OGDHL: variants seen among roughly 807,000 people sequenced by gnomAD.
The protein encoded by OGDHL is 2-oxoglutarate dehydrogenase-like, mitochondrial.
A neutral mutation model predicts 109.6 loss-of-function variants in OGDHL; 79 were observed. That is an observed-to-expected ratio of 0.72 (90% CI 0.60 to 0.87). The LOEUF (loss-of-function observed/expected upper bound fraction) is 0.87. Ranked by LOEUF, OGDHL falls within the 40% of genes least tolerant of loss-of-function variation. The pLI is 0.00. For missense variants in OGDHL, 1,275 were observed against 1,362.2 expected (o/e 0.94, Z 1.01); for synonymous variants, 528 against 537.2 (o/e 0.98, Z 0.24).
chr10:49,759,289 G>A (rs1043634648), intron 1 of OGDHL, among the ~76,000 whole-genome samples: 1 of 151,906 alleles, frequency 6.6e-6, no homozygotes, highest in Non-Finnish European at 1.5e-5. Flanking sequence ...AAGGGCTAAG[G>A]TCTGGAGGGG....
chr10:49,756,969 C>G (rs369707105), intron 2 of OGDHL, 23 bp from the exon 3 acceptor site: 8 of 1,604,422 alleles, frequency 5.0e-6, no homozygotes, highest in African/African-American at 1.3e-5. Context: ...GAAACAAGAA[C>G]GCAGCCAGGT....
In OGDHL at chr10:49,742,845, C is replaced by T. The variant is rs147924096; in HGVS notation, c.1995G>A (p.Val665=). The change falls in exon 15 of 23, where the codon GTG becomes GTA. Residue 665 remains valine (V), a synonymous_variant. Transcript: ENST00000374103. ...GCGCTCACCTGAATGTGCCCCTCTC[C>T]ACATCCTGCCCGCTGAGCCGCACGT... ...GIHVRLSGQD[V]ERGTFSHRHH... 6,927 of 1,613,362 alleles carry T rather than the reference C, an allele frequency of 4.3e-3. 43 individuals are homozygous for T. Among genetic ancestry groups the T allele is most frequent in the Middle Eastern group, 0.014 (83 of 6,030 alleles).
chr10:49,742,737 C>T lies in OGDHL; in HGVS notation c.2012+91G>A. ...GGGGCTAGGGATGCTGTGAAGATCC[C>T]ACCCCAACAAAGGCCCCCTCGGGAT... On this transcript the variant is annotated intron_variant, in intron 15 of 22. Transcript: ENST00000374103. The T allele has an allele frequency of 3.4e-6, 5 of 1,466,944 alleles. No individual in the cohort carries two copies. The South Asian group carries it at 6.7e-5, about 20-fold the overall frequency. 90.9% of individuals were successfully genotyped at this position (1,466,944 alleles called of 1,614,324 possible).
At position 49,746,817 on chromosome 10, in the gene OGDHL, G is replaced by A; in HGVS notation, c.1229C>T (p.Thr410Ile). Residue 410 changes from threonine to isoleucine, a missense_variant, in exon 10 of 23, where the codon ACC becomes ATC. By Grantham distance (89) the Thr-to-Ile change is moderately conservative. Coordinates refer to ENST00000374103, the MANE Select transcript of OGDHL (RefSeq NM_018245.3). Reference sequence around the variant, plus strand: ...GGAGGGCAGGTCGCTCAGGTGGAAGGTCTCATATACCACGCCCTGGCCAGC... The same window carrying A: ...GGAGGGCAGGTCGCTCAGGTGGAAGATCTCATATACCACGCCCTGGCCAGC... ...AFAGQGVVYETFHLSDLPSYT... is the reference protein window; with the variant it reads ...AFAGQGVVYEIFHLSDLPSYT... The A allele has an allele frequency of 6.2e-7, 1 of 1,614,164 alleles. No individual in the cohort carries two copies. Among genetic ancestry groups the A allele is most frequent in the East Asian group, 2.2e-5 (1 of 44,872 alleles).
intron 1 of OGDHL, among the ~76,000 whole-genome samples, chr10:49,761,496 C>T (rs1843275201): frequency 6.6e-6 from 1 of 152,214 alleles, no homozygotes; most frequent in African/African-American, 2.4e-5. Flanking sequence ...CTACTCTGAC[C>T]CCACTTTCTG....
intron 6 of OGDHL, among the ~76,000 whole-genome samples, chr10:49,751,598 G>T (rs1023054949): frequency 2.0e-5 from 3 of 152,182 alleles, no homozygotes. Flanking sequence ...CCGCTCTCTT[G>T]TTCTCCTAGA....
Position 49,735,082 on chromosome 10 carries a change from G to C in OGDHL, c.*146C>G. ...CTGGCATGACACCAAGGCCAGCAGT[G>C]CTGGCTCTTGGCCCTGTCACTGTGT... On this transcript the variant is annotated 3_prime_UTR_variant, in exon 23 of 23. Coordinates refer to ENST00000374103, the MANE Select transcript of OGDHL (RefSeq NM_018245.3). The C allele has an allele frequency of 1.0e-6, 1 of 996,592 alleles. No individual in the cohort carries two copies. Among genetic ancestry groups the C allele is most frequent in the Non-Finnish European group, 1.5e-6 (1 of 680,042 alleles). The allele number at this position is 996,592 out of a possible 1,614,324, so 61.7% of individuals were successfully genotyped here. A position where few individuals can be genotyped will look rare whatever the true frequency, so the allele number is the denominator to read the frequency against.
Position 49,739,753 on chromosome 10 carries a change from A to G in OGDHL, c.2227T>C (p.Cys743Arg). Residue 743 changes from cysteine (C) to arginine (R), a missense_variant, in exon 17 of 23, where the codon TGC becomes CGC. Coordinates refer to ENST00000374103, the MANE Select transcript of OGDHL (RefSeq NM_018245.3). ...QFGDFHNTAQ[C>R]IIDQFISTGQ... Reference sequence around the variant, plus strand: ...GTGCTGATGAACTGGTCGATGATGCACTGGGCCGTGTTGTGGAAGTCCCCA... The same window carrying G: ...GTGCTGATGAACTGGTCGATGATGCGCTGGGCCGTGTTGTGGAAGTCCCCA... The G allele has an allele frequency of 2.5e-6, 4 of 1,614,136 alleles. No individual in the cohort carries two copies. Among genetic ancestry groups the G allele is most frequent in the South Asian group, 1.1e-5 (1 of 91,074 alleles).
Position 49,745,465 on chromosome 10 carries a change from AT to A in OGDHL, c.1507del (p.Met503TrpfsTer22). ...VCYRRRGHNE[M>X]DEPMFTQPLM... ...CGGCTGGGTGAACATGGGCTCGTCC[AT>A]CTCATTGTGGCCACGCCGGCGGTAA... On this transcript the variant is annotated frameshift_variant, in exon 12 of 23. Transcript: ENST00000374103. LOFTEE classifies it high-confidence loss of function. The A allele has an allele frequency of 6.2e-7, 1 of 1,614,088 alleles. No homozygotes were observed. Among genetic ancestry groups the A allele is most frequent in the South Asian group, 1.1e-5 (1 of 91,080 alleles).
intron 13 of OGDHL, 36 bp from the exon 14 acceptor site, chr10:49,744,158 G>T: frequency 6.2e-7 from 1 of 1,609,284 alleles, no homozygotes. Context: ...CACTGTGTCA[G>T]TGGTGGGTTC....
In OGDHL at chr10:49,736,059, C is replaced by A. The variant is rs1331747020; in HGVS notation, c.2873G>T (p.Arg958Leu). ...NMGYYDYISPRFMTILRRARP... is the reference protein window; with the variant it reads ...NMGYYDYISPLFMTILRRARP... ...TGCGCGCCTCAGGATGGTCATGAAG[C>A]GTGGGCTGATGTAGTCATAGTAGCC... The change falls in exon 22 of 23, where the codon CGC becomes CTC. Residue 958 changes from arginine (R) to leucine (L), a missense_variant. Physicochemically the swap from Arg to Leu is moderately radical, Grantham distance 102 (BLOSUM62 -2). Coordinates refer to ENST00000374103, the MANE Select transcript of OGDHL (RefSeq NM_018245.3). 1.2e-6 allele frequency: 2 copies of A among 1,606,058 alleles called. No individual in the cohort carries two copies. The highest frequency in any genetic ancestry group is 1.7e-5 in the Admixed American group (1 of 59,058).
At chr10:49,758,682 G>A (rs1168468882) in intron 1 of OGDHL, 89 bp from the exon 2 acceptor site, 2 of 1,317,072 alleles carry the variant, frequency 1.5e-6, no homozygotes, top group Non-Finnish European at 2.1e-6. Flanking sequence ...ATCAGCACTT[G>A]TCATTCCCAC....
At chr10:49,756,286 A>G (rs1034484120) in intron 3 of OGDHL, among the ~76,000 whole-genome samples, 2 of 152,206 alleles carry the variant, frequency 1.3e-5, no homozygotes, top group Non-Finnish European at 2.9e-5. Flanking sequence ...ACTCTGACAG[A>G]GCAGGGGCCC....
intron 18 of OGDHL, 50 bp from the exon 19 acceptor site, chr10:49,738,122 AC>A (rs1164623047): frequency 1.2e-6 from 2 of 1,613,416 alleles, no homozygotes; most frequent in Non-Finnish European, 1.7e-6. Context: ...CTGCACCCAC[AC>A]CCTGGACCCC....
At position 49,743,994 on chromosome 10, in the gene OGDHL, C is replaced by T; in HGVS notation, c.1861G>A (p.Gly621Ser). The change falls in exon 14 of 23, where the codon GGC (glycine) becomes AGC (serine). Residue 621 changes from glycine (G) to serine (S), a missense_variant and splice_region_variant. Transcript: ENST00000374103. ...VPLEDFKIHT[G>S]LSRILRGRAD... Reference sequence around the variant, plus strand: ...GCTGCAGCCTGTCCAGCAACCTCACCAGTGTGGATCTTAAAGTCCTCCAGG... The same window carrying T: ...GCTGCAGCCTGTCCAGCAACCTCACTAGTGTGGATCTTAAAGTCCTCCAGG... 6 of 1,613,348 alleles carry T rather than the reference C, an allele frequency of 3.7e-6. No individual in the cohort carries two copies. The highest frequency in any genetic ancestry group is 5.1e-6 in the Non-Finnish European group (6 of 1,179,462).
Position 49,738,521 on chromosome 10 carries a change from C to T in OGDHL, c.2320-259G>A, listed in dbSNP as rs117172406. ...AAAAAGCAAAAAGCCCGCACTGAGA[C>T]GTGCTTTCTCTGGAATGTCCTGGAA... On this transcript the variant is annotated intron_variant, in intron 17 of 22. Transcript: ENST00000374103. The T allele has an allele frequency of 6.1e-3, 3,235 of 526,406 alleles. 105 individuals carry two copies. The Admixed American group carries it at 0.07, about 11-fold the overall frequency. The allele number at this position is 526,406 out of a possible 1,614,324, so 32.6% of individuals were successfully genotyped here.
At chr10:49,749,384 T>C (rs943316766) in intron 8 of OGDHL, among the ~76,000 whole-genome samples, 1 of 152,162 alleles carries the variant, frequency 6.6e-6, no homozygotes, top group Non-Finnish European at 1.5e-5. Flanking sequence ...GAGTCATTCC[T>C]GGCTGGTGGA....
chr10:49,749,036 C>A (rs1366496275), intron 8 of OGDHL, among the ~76,000 whole-genome samples: 4 of 152,240 alleles, frequency 2.6e-5, no homozygotes, highest in African/African-American at 9.6e-5. Context: ...TGGCAAAACC[C>A]CATCTCTACT....
At position 49,737,928 on chromosome 10, in the gene OGDHL, C is replaced by T. The variant is rs1293153383; in HGVS notation, c.2517+19G>A. The stretch of plus-strand genomic sequence containing the variant: ...CCAGGCCCCCTGCCTGTGACCCCTG[C>T]CCTGGGACGGAGACTCACCGGCTTG... On this transcript the variant is annotated intron_variant, in intron 19 of 22. Coordinates refer to ENST00000374103, the MANE Select transcript of OGDHL (RefSeq NM_018245.3). The T allele has an allele frequency of 6.2e-7, 1 of 1,614,150 alleles. No individual in the cohort carries two copies. Among genetic ancestry groups the T allele is most frequent in the East Asian group, 2.2e-5 (1 of 44,876 alleles).
Sources: gnomAD v4.1 joint callset for allele counts (sites outside exome capture counted in the v4.1 genomes callset) on GRCh38, gnomAD v4.1.1 for gene constraint, MANE v1.5 for transcripts, NCBI Gene and HGNC (gene_info 2026-07-23, HGNC 2026-07-21) for gene names.